CNTNAP2: variants seen among roughly 807,000 people sequenced by gnomAD.
CNTNAP2 encodes contactin associated protein 2.
In CNTNAP2, 98 loss-of-function variants were observed where a neutral mutation model predicts 155.2. The observed-to-expected ratio is 0.63, with a 90% CI of 0.54 to 0.75. CNTNAP2 has a LOEUF of 0.75. Ranked by LOEUF, CNTNAP2 falls within the 30% of genes least tolerant of loss-of-function variation. The probability of loss-of-function intolerance (pLI) is 0.00; values close to 1 mark genes in which losing one functional copy is unlikely to be tolerated. For synonymous variants in CNTNAP2, 651 were observed against 631.2 expected (o/e 1.03, Z -0.47); for missense variants, 1,727 against 1,688.1 (o/e 1.02, Z -0.40).
intron 9 of CNTNAP2, among the ~76,000 whole-genome samples, chr7:147,333,366 C>CA (rs1375311292): frequency 2.0e-5 from 3 of 152,026 alleles, no homozygotes; most frequent in Admixed American, 2.0e-4. Context: ...ATGAAAGGCA[C>CA]TTTAGGCATA....
At chr7:147,745,479 AC>A (rs1432756943) in intron 13 of CNTNAP2, among the ~76,000 whole-genome samples, 1 of 152,178 alleles carries the variant, frequency 6.6e-6, no homozygotes, top group Non-Finnish European at 1.5e-5. Flanking sequence ...TCAACCATCA[AC>A]CAACCCCAAT....
In CNTNAP2 at chr7:146,283,438, G is replaced by T. The variant is rs142407605; in HGVS notation, c.97+166465G>T. Among the ~76,000 whole-genome samples, 525 of 152,218 alleles carry T rather than the reference G, an allele frequency of 3.4e-3. 4 individuals are homozygous for T. The highest frequency in any genetic ancestry group is 0.012 in the African/African-American group (498 of 41,548). On this transcript the variant is annotated intron_variant, in intron 1 of 23. Coordinates refer to ENST00000361727, the MANE Select transcript of CNTNAP2 (RefSeq NM_014141.6). ...GCTGGAGTGCAGTTGTGGGATCACAGGTGAGTGTAGTCTCAACCTCCCAGG... is the reference window on the plus strand; with the variant it reads ...GCTGGAGTGCAGTTGTGGGATCACATGTGAGTGTAGTCTCAACCTCCCAGG...
At chr7:146,685,338 G>T (rs570785751) in intron 1 of CNTNAP2, among the ~76,000 whole-genome samples, 2 of 152,036 alleles carry the variant, frequency 1.3e-5, no homozygotes, top group African/African-American at 4.8e-5. Context: ...TGATTGCCAG[G>T]GTGTTTGAGA....
chr7:146,396,047 A>G (rs1795622265), intron 1 of CNTNAP2, among the ~76,000 whole-genome samples: 1 of 152,126 alleles, frequency 6.6e-6, no homozygotes, highest in Non-Finnish European at 1.5e-5. Context: ...TAAATGCTCA[A>G]TATCTTCAAT....
intron 13 of CNTNAP2, among the ~76,000 whole-genome samples, chr7:147,739,387 T>C (rs77190375): frequency 0.012 from 1,751 of 152,216 alleles, 32 homozygotes; most frequent in African/African-American, 0.04. Context: ...CAGGTATCAG[T>C]TTTCTAATAC....
chr7:147,229,666 T>C (rs563208229), intron 8 of CNTNAP2, among the ~76,000 whole-genome samples: 15 of 152,234 alleles, frequency 9.9e-5, no homozygotes, highest in Non-Finnish European at 1.8e-4. Flanking sequence ...TCCTAGGTAG[T>C]AATCAATATT....
rs763317472 is a variant in CNTNAP2 at position 146,322,364 on chromosome 7, A to C, written c.97+205391A>C. ...GATGTATGAGCTTTGGTAGTACCTC[A>C]GCTGGTCCATTAAAAATGTGCATGA... On this transcript the variant is annotated intron_variant, in intron 1 of 23. Transcript: ENST00000361727. 7.4e-4 allele frequency among the ~76,000 whole-genome samples: 112 copies of C among 152,302 alleles called. 1 individual carries two copies. Among genetic ancestry groups the C allele is most frequent in the South Asian group, 2.9e-3 (14 of 4,826 alleles).
intron 3 of CNTNAP2, among the ~76,000 whole-genome samples, chr7:146,959,275 C>T (rs890964122): frequency 2.6e-5 from 4 of 152,062 alleles, no homozygotes; most frequent in African/African-American, 9.7e-5. Flanking sequence ...GCCTCGGCCT[C>T]CCAAAGTGAG....
intron 1 of CNTNAP2, among the ~76,000 whole-genome samples, chr7:146,310,698 T>G (rs909346108): frequency 6.6e-6 from 1 of 152,124 alleles, no homozygotes; most frequent in African/African-American, 2.4e-5. Context: ...CTTACTACGA[T>G]CAAAGTAGCA....
Position 148,005,991 on chromosome 7 carries a change from G to C in CNTNAP2, c.2383+28002G>C, listed in dbSNP as rs565169701. On this transcript the variant is annotated intron_variant, in intron 15 of 23. Transcript: ENST00000361727. ...CTCACGAGGGTCTATGACCCTTCCA[G>C]ACAGCACTGATTTCAAGTCTGTATC... 1.7e-3 allele frequency among the ~76,000 whole-genome samples: 255 copies of C among 152,208 alleles called. 2 individuals carry two copies. Among genetic ancestry groups the C allele is most frequent in the African/African-American group, 6.0e-3 (250 of 41,524 alleles).
chr7:146,799,974 T>A (rs2129191217), intron 2 of CNTNAP2, among the ~76,000 whole-genome samples: 1 of 61,658 alleles, frequency 1.6e-5, no homozygotes, highest in Non-Finnish European at 2.6e-5. Context: ...ATAAAAAAAG[T>A]ATGAAAATAT....
chr7:147,968,069 A>G (rs1307692850), intron 14 of CNTNAP2, among the ~76,000 whole-genome samples: 1 of 152,176 alleles, frequency 6.6e-6, no homozygotes, highest in African/African-American at 2.4e-5. Context: ...GTATTTATTC[A>G]ATCATGAAAC....
intron 9 of CNTNAP2, among the ~76,000 whole-genome samples, chr7:147,394,703 G>A (rs562574859): frequency 6.6e-5 from 10 of 151,606 alleles, no homozygotes; most frequent in Admixed American, 6.6e-4. Flanking sequence ...AGATATAATA[G>A]TAATTGATTG....
intron 1 of CNTNAP2, among the ~76,000 whole-genome samples, chr7:146,650,683 G>T (rs1352921794): frequency 2.0e-5 from 3 of 151,968 alleles, no homozygotes; most frequent in African/African-American, 7.3e-5. Context: ...AGAACTTAAA[G>T]TATAATAAAG....
intron 1 of CNTNAP2, among the ~76,000 whole-genome samples, chr7:146,448,809 G>C (rs1796438576): frequency 6.6e-6 from 1 of 152,144 alleles, no homozygotes; most frequent in East Asian, 1.9e-4. Flanking sequence ...CACCTTTATA[G>C]TTAAAAACGT....
At chr7:147,957,334 G>A (rs780641038) in intron 14 of CNTNAP2, among the ~76,000 whole-genome samples, 7 of 152,122 alleles carry the variant, frequency 4.6e-5, no homozygotes, top group Non-Finnish European at 1.0e-4. Context: ...CTAAACTAAT[G>A]AAGAAAAGGA....
intron 13 of CNTNAP2, among the ~76,000 whole-genome samples, chr7:147,685,419 T>C (rs1796003846): frequency 6.6e-6 from 1 of 152,014 alleles, no homozygotes; most frequent in Non-Finnish European, 1.5e-5. Context: ...CTCAGAGTGT[T>C]TGAGAGATTT....
At chr7:146,552,917 C>CT (rs1798143344) in intron 1 of CNTNAP2, among the ~76,000 whole-genome samples, 1 of 152,146 alleles carries the variant, frequency 6.6e-6, no homozygotes, top group Admixed American at 6.6e-5. Flanking sequence ...CCAAAGGCCA[C>CT]TTTCCAGTAA....
At chr7:146,551,495 T>TCCATGGTG (rs1798121673) in intron 1 of CNTNAP2, among the ~76,000 whole-genome samples, 1 of 152,046 alleles carries the variant, frequency 6.6e-6, no homozygotes, top group Non-Finnish European at 1.5e-5. Flanking sequence ...TGCATAGTAT[T>TCCATGGTG]CCATGGTGTA....
Sources: gnomAD v4.1 joint callset for allele counts (sites outside exome capture counted in the v4.1 genomes callset) on GRCh38, gnomAD v4.1.1 for gene constraint, MANE v1.5 for transcripts, NCBI Gene and HGNC (gene_info 2026-07-23, HGNC 2026-07-21) for gene names.